Variants in FAF1 observed in about 807,000 individuals in gnomAD.
The protein encoded by FAF1 is FAS-associated factor 1.
FAF1 carries 25 observed loss-of-function variants against 92.5 expected under a neutral mutation model. The ratio of observed to expected loss-of-function variants is 0.27; its 90% CI spans 0.20 to 0.38. FAF1 has a LOEUF of 0.38. Among genes scored for constraint, FAF1 ranks in the 10% least tolerant of loss-of-function variants. FAF1 has a pLI of 1.00. For missense variants in FAF1, 636 were observed against 793.3 expected (o/e 0.80, Z 2.38); for synonymous variants, 234 against 273.2 (o/e 0.86, Z 1.42).
intron 8 of FAF1, among the ~76,000 whole-genome samples, chr1:50,612,677 C>A (rs1247607511): frequency 6.6e-6 from 1 of 152,220 alleles, no homozygotes; most frequent in Non-Finnish European, 1.5e-5. Flanking sequence ...GGTCTCGGGA[C>A]ATGGACATAG....
intron 6 of FAF1, among the ~76,000 whole-genome samples, chr1:50,709,606 G>C (rs776167143): frequency 2.6e-5 from 4 of 152,058 alleles, no homozygotes; most frequent in Admixed American, 6.6e-5. Flanking sequence ...ATTGTCCCTG[G>C]TCATCAAGCT....
chr1:50,480,681 A>T (rs1172872853), intron 17 of FAF1, among the ~76,000 whole-genome samples: 1 of 152,242 alleles, frequency 6.6e-6, no homozygotes, highest in Non-Finnish European at 1.5e-5. Context: ...GATGGACTGT[A>T]TAAACCATGG....
At chr1:50,759,595 A>G (rs963078767) in intron 4 of FAF1, among the ~76,000 whole-genome samples, 2 of 152,076 alleles carry the variant, frequency 1.3e-5, no homozygotes, top group African/African-American at 4.8e-5. Context: ...TATTGTGAAT[A>G]GTGCCGCAAT....
At chr1:50,619,991 C>T (rs1028182330) in intron 8 of FAF1, among the ~76,000 whole-genome samples, 1 of 151,592 alleles carries the variant, frequency 6.6e-6, no homozygotes, top group Non-Finnish European at 1.5e-5. Context: ...TCACTGCAAC[C>T]TCTGCCTTCC....
At chr1:50,826,881 T>G (rs1490409365) in intron 2 of FAF1, among the ~76,000 whole-genome samples, 1 of 152,156 alleles carries the variant, frequency 6.6e-6, no homozygotes, top group African/African-American at 2.4e-5. Flanking sequence ...AGACACCGTC[T>G]GGGAAGTGAG....
At chr1:50,455,090 T>C (rs1325255530) in intron 18 of FAF1, among the ~76,000 whole-genome samples, 1 of 152,194 alleles carries the variant, frequency 6.6e-6, no homozygotes, top group Non-Finnish European at 1.5e-5. Flanking sequence ...GGTGATACCA[T>C]CAGCAGGTCA....
Position 50,960,030 on chromosome 1 carries a change from T to C in FAF1, c.-219A>G, listed in dbSNP as rs1645303994. The C allele has an allele frequency of 2.5e-6, 1 of 395,272 alleles. No individual in the cohort carries two copies. Among genetic ancestry groups the C allele is most frequent in the Non-Finnish European group, 4.5e-6 (1 of 223,986 alleles). 24.5% of individuals were successfully genotyped at this position (395,272 alleles called of 1,614,324 possible). On this transcript the variant is annotated 5_prime_UTR_variant, in exon 1 of 19. Transcript: ENST00000396153. ...CCTTCAGGCGCCCCGGCCGCCCGCC[T>C]GCAACCTGCGGAGCCCGCGTCGCAG...
intron 8 of FAF1, among the ~76,000 whole-genome samples, chr1:50,608,035 C>T (rs545232544): frequency 3.3e-5 from 5 of 152,344 alleles, no homozygotes; most frequent in South Asian, 2.1e-4. Context: ...CTGCTCCTTG[C>T]GGAGCAGGGC....
intron 15 of FAF1, among the ~76,000 whole-genome samples, chr1:50,528,059 G>A (rs1024709318): frequency 2.0e-5 from 3 of 151,834 alleles, no homozygotes; most frequent in South Asian, 4.2e-4. Context: ...GTAGAGATGG[G>A]GTTTCCACAT....
chr1:50,900,565 A>G (rs773547867), intron 1 of FAF1, among the ~76,000 whole-genome samples: 9 of 152,114 alleles, frequency 5.9e-5, no homozygotes, highest in Non-Finnish European at 1.2e-4. Context: ...CAAACTTTAC[A>G]AGCCAGAGCA....
At chr1:50,513,159 T>G (rs1440571723) in intron 15 of FAF1, among the ~76,000 whole-genome samples, 1 of 152,120 alleles carries the variant, frequency 6.6e-6, no homozygotes, top group Non-Finnish European at 1.5e-5. Flanking sequence ...AGCAATGACT[T>G]AGAAGGCCTC....
intron 2 of FAF1, among the ~76,000 whole-genome samples, chr1:50,836,093 T>C (rs967030345): frequency 2.0e-5 from 3 of 151,928 alleles, no homozygotes; most frequent in African/African-American, 7.3e-5. Flanking sequence ...AAAACAGAAA[T>C]AGGATGTACA....
At chr1:50,547,060 C>T (rs1037732190) in intron 13 of FAF1, among the ~76,000 whole-genome samples, 1 of 147,818 alleles carries the variant, frequency 6.8e-6, no homozygotes, top group African/African-American at 2.5e-5. Flanking sequence ...GGATAATTTT[C>T]GTATTTTTTT....
At chr1:50,594,834 G>A (rs1347070568) in intron 9 of FAF1, among the ~76,000 whole-genome samples, 3 of 145,948 alleles carry the variant, frequency 2.1e-5, no homozygotes. Context: ...TCGCTCCATT[G>A]CACTCCAACC....
At chr1:50,582,045 G>C (rs74080008) in intron 12 of FAF1, among the ~76,000 whole-genome samples, 1,624 of 151,472 alleles carry the variant, frequency 0.011, 14 homozygotes, top group African/African-American at 0.028. Context: ...CCTTTTTTTG[G>C]GGGGGTGGGC....
intron 9 of FAF1, among the ~76,000 whole-genome samples, chr1:50,587,929 G>T (rs1343137438): frequency 1.3e-5 from 2 of 152,160 alleles, no homozygotes; most frequent in African/African-American, 4.8e-5. Context: ...GCTTATAATT[G>T]AAATAGATGT....
At chr1:50,804,990 G>T (rs1662135819) in intron 2 of FAF1, among the ~76,000 whole-genome samples, 1 of 152,104 alleles carries the variant, frequency 6.6e-6, no homozygotes, top group Non-Finnish European at 1.5e-5. Flanking sequence ...AAATTATACT[G>T]AGTTTATTAT....
At chr1:50,713,205 T>C (rs1658016527) in intron 6 of FAF1, among the ~76,000 whole-genome samples, 1 of 134,068 alleles carries the variant, frequency 7.5e-6, no homozygotes, top group Non-Finnish European at 1.6e-5. Context: ...CTTTTGATCT[T>C]CAGGGTCAAA....
At chr1:50,920,231 G>A (rs1041009086) in intron 1 of FAF1, among the ~76,000 whole-genome samples, 3 of 151,846 alleles carry the variant, frequency 2.0e-5, no homozygotes, top group Non-Finnish European at 2.9e-5. Context: ...AGCCTGGGGG[G>A]CAGAGGGTTG....
Sources: allele counts gnomAD v4.1 joint callset (sites outside exome capture counted in the v4.1 genomes callset), GRCh38; gene constraint gnomAD v4.1.1; transcripts MANE v1.5; gene names NCBI Gene and HGNC (gene_info 2026-07-23, HGNC 2026-07-21).